Variants in HEPHL1 observed in about 807,000 individuals in gnomAD.
HEPHL1 encodes ferroxidase HEPHL1.
A neutral mutation model predicts 122.0 loss-of-function variants in HEPHL1; 123 were observed. The observed-to-expected ratio is 1.01, with a 90% CI of 0.87 to 1.17. The LOEUF (loss-of-function observed/expected upper bound fraction) is 1.17, where lower values mean the gene tolerates loss of function less well. Among genes scored for constraint, HEPHL1 ranks in the 50% most tolerant of loss-of-function variants. The probability of loss-of-function intolerance (pLI) is 0.00; values close to 1 mark genes in which losing one functional copy is unlikely to be tolerated. For missense variants in HEPHL1, 1,452 were observed against 1,430.5 expected, an observed-to-expected ratio of 1.01 and a Z score of -0.24; for synonymous variants, 527 against 508.9, an observed-to-expected ratio of 1.04 and a Z score of -0.48.
intron 17 of HEPHL1, among the ~76,000 whole-genome samples, chr11:94,110,279 G>A (rs1946438171): frequency 6.6e-6 from 1 of 152,156 alleles, no homozygotes; most frequent in African/African-American, 2.4e-5. Context: ...TAAACTTAGA[G>A]TAATTCTTGG....
intron 2 of HEPHL1, among the ~76,000 whole-genome samples, chr11:94,046,805 A>AT (rs1414505518): frequency 4.6e-5 from 7 of 151,900 alleles, no homozygotes; most frequent in African/African-American, 1.5e-4. Context: ...CATCAAAAAT[A>AT]TTTTTTTTGA....
At chr11:94,098,296 TTC>T (rs1263063652) in intron 13 of HEPHL1, among the ~76,000 whole-genome samples, 1 of 152,226 alleles carries the variant, frequency 6.6e-6, no homozygotes, top group East Asian at 1.9e-4. Flanking sequence ...GGATATGAAA[TTC>T]TGAGTTGAAA....
chr11:94,087,129 T>C (rs368490317), intron 11 of HEPHL1, among the ~76,000 whole-genome samples: 1 of 152,188 alleles, frequency 6.6e-6, no homozygotes, highest in Non-Finnish European at 1.5e-5. Context: ...TTTCCTAGTG[T>C]CCAGTCTCTG....
At chr11:94,087,140 T>A (rs1417474291) in intron 11 of HEPHL1, among the ~76,000 whole-genome samples, 1 of 152,202 alleles carries the variant, frequency 6.6e-6, no homozygotes, top group East Asian at 1.9e-4. Flanking sequence ...CCAGTCTCTG[T>A]ACATTAGTAT....
intron 13 of HEPHL1, among the ~76,000 whole-genome samples, chr11:94,095,366 G>T (rs371861544): frequency 2.9e-4 from 44 of 152,242 alleles, no homozygotes; most frequent in African/African-American, 7.9e-4. Flanking sequence ...CTTTGTTTTG[G>T]TACCAGTACC....
intron 1 of HEPHL1, among the ~76,000 whole-genome samples, chr11:94,043,006 A>T (rs1452163852): frequency 6.6e-6 from 1 of 152,046 alleles, no homozygotes; most frequent in Non-Finnish European, 1.5e-5. Flanking sequence ...TGGGAAAGAA[A>T]AGAAAAACAG....
rs753129020 is a variant in HEPHL1 at position 94,073,154 on chromosome 11, T to C, written c.1362T>C (p.Leu454=). ...GACTCTCTGCTGAAGAAGCCCATCT[T>C]GGAATTCTTGGTACAGTAAAACCAT... ...RKRLSAEEAH[L]GILGPVIKAE... Residue 454 remains leucine, a synonymous_variant, in exon 7 of 20, where the codon CTT becomes CTC. Transcript: ENST00000315765. The C allele has an allele frequency of 1.2e-5, 20 of 1,613,008 alleles. No homozygotes were observed. In the Admixed American group the frequency reaches 3.2e-4, roughly 26 times the overall value.
chr11:94,024,455 G>A (rs1471638802), intron 1 of HEPHL1, among the ~76,000 whole-genome samples: 1 of 152,126 alleles, frequency 6.6e-6, no homozygotes, highest in East Asian at 1.9e-4. Flanking sequence ...TTTTTGCAAT[G>A]GTGAAAGAAA....
At chr11:94,075,854 A>G (rs1287474878) in intron 9 of HEPHL1, among the ~76,000 whole-genome samples, 1 of 152,182 alleles carries the variant, frequency 6.6e-6, no homozygotes, top group Non-Finnish European at 1.5e-5. Context: ...GTAAAATGAA[A>G]GTTAATCACT....
intron 15 of HEPHL1, among the ~76,000 whole-genome samples, chr11:94,103,240 A>G (rs994037556): frequency 2.7e-5 from 4 of 150,568 alleles, no homozygotes; most frequent in African/African-American, 7.4e-5. Context: ...CACAAAGTCA[A>G]AAATATTTAC....
intron 2 of HEPHL1, chr11:94,055,815 TC>T (rs1945931865): frequency 2.2e-6 from 1 of 446,566 alleles, no homozygotes; most frequent in Admixed American, 3.3e-5. Flanking sequence ...GAAAATGAGT[TC>T]CTTTCCATAC....
At chr11:94,101,646 A>G (rs1030644981) in intron 14 of HEPHL1, among the ~76,000 whole-genome samples, 5 of 152,204 alleles carry the variant, frequency 3.3e-5, no homozygotes, top group Non-Finnish European at 7.4e-5. Context: ...AGGGTTCAGT[A>G]TTGGTGTGTA....
chr11:94,100,016 G>C (rs939714784), intron 13 of HEPHL1, among the ~76,000 whole-genome samples: 1 of 151,992 alleles, frequency 6.6e-6, no homozygotes, highest in African/African-American at 2.4e-5. Context: ...TGCACCCACT[G>C]TCCTGCCCCC....
chr11:94,063,524 T>G lies in HEPHL1; in HGVS notation c.432T>G (p.Asp144Glu), dbSNP rs369788582. Residue 144 changes from aspartate to glutamate, a missense_variant, in exon 3 of 20, where the codon GAT (aspartate) becomes GAG (glutamate). By Grantham distance (45) the Asp-to-Glu change is conservative (BLOSUM62 2). Transcript: ENST00000315765. ...TTTTGGAAGGAGCCCTATACCCAGA[T>G]GGAACATCTGGAAGGAACAAAAATG... The part of the protein sequence containing the change: ...NKDSEGALYP[D>E]GTSGRNKNDD... 4 of 1,609,238 alleles carry G rather than the reference T, an allele frequency of 2.5e-6. No homozygotes were observed. The African/African-American group carries it at 4.0e-5, about 16-fold the overall frequency.
chr11:94,056,306 A>G (rs754696693), intron 2 of HEPHL1, among the ~76,000 whole-genome samples: 1 of 152,068 alleles, frequency 6.6e-6, no homozygotes, highest in African/African-American at 2.4e-5. Flanking sequence ...CAGTTTGACA[A>G]TCTCTACATT....
Position 94,046,353 on chromosome 11 carries a change from C to A in HEPHL1, c.415+436C>A, listed in dbSNP as rs142432486. Among the ~76,000 whole-genome samples, 226 of 151,594 alleles carry A rather than the reference C, an allele frequency of 1.5e-3. 1 individual carries two copies. The highest frequency in any genetic ancestry group is 5.4e-3 in the African/African-American group (223 of 41,266). On this transcript the variant is annotated intron_variant, in intron 2 of 19. Transcript: ENST00000315765. Reference sequence around the variant, plus strand: ...CCTCAAATGATCCGCCCGCCTCAGCCTCTCAAAGTGCTGGGATTACAGGCG... The same window carrying A: ...CCTCAAATGATCCGCCCGCCTCAGCATCTCAAAGTGCTGGGATTACAGGCG...
intron 1 of HEPHL1, among the ~76,000 whole-genome samples, chr11:94,036,428 G>C (rs1479128856): frequency 6.6e-6 from 1 of 152,114 alleles, no homozygotes; most frequent in African/African-American, 2.4e-5. Context: ...TGCTGAGAGG[G>C]GTGAGGGATG....
chr11:94,064,626 G>C (rs561948254), intron 4 of HEPHL1, 116 bp downstream of exon 4: 3 of 686,022 alleles, frequency 4.4e-6, no homozygotes, highest in Non-Finnish European at 7.3e-6. Flanking sequence ...TATAACTCAG[G>C]GATGACCATG....
chr11:94,070,786 AT>A (rs1373940728), intron 6 of HEPHL1, among the ~76,000 whole-genome samples: 4 of 152,120 alleles, frequency 2.6e-5, no homozygotes, highest in Admixed American at 1.3e-4. Context: ...TTGATCAAAC[AT>A]TTCTTGAGTA....
Sources: allele counts gnomAD v4.1 joint callset (sites outside exome capture counted in the v4.1 genomes callset), GRCh38; gene constraint gnomAD v4.1.1; transcripts MANE v1.5; gene names NCBI Gene and HGNC (gene_info 2026-07-23, HGNC 2026-07-21).